The following SKI variants were observed in gnomAD, a reference collection of about 807,000 sequenced individuals.
SKI encodes SKI proto-oncogene, also known as ski oncogene.
Under a neutral mutation model 59.3 loss-of-function variants are expected in SKI, and 23 were observed. The observed-to-expected ratio is 0.39, with a 90% CI of 0.28 to 0.55. SKI has a LOEUF of 0.55. Among genes scored for constraint, SKI ranks in the 20% least tolerant of loss-of-function variants. The pLI is 0.67. For synonymous variants in SKI, 673 were observed against 488.6 expected (o/e 1.38, Z -4.98); for missense variants, 1,017 against 1,038.9 (o/e 0.98, Z 0.29).
In SKI at chr1:2,270,562, GGGAA is replaced by G. The variant is rs1378000534; in HGVS notation, c.970-32415_970-32412del. On this transcript the variant is annotated intron_variant, in intron 1 of 6. Coordinates refer to ENST00000378536, the MANE Select transcript of SKI (RefSeq NM_003036.4). This position sits in a 1 kb window ranked among gnomAD's most constrained non-coding sequence, Gnocchi z 4.1. ...AGTGTGCAGTGTTGAGGGGGCGCTG[GGGAA>G]ACAAGCTGCCGGCTGAGGAGGCCGC... Among the ~76,000 whole-genome samples, 21 of 152,216 alleles carry G rather than the reference GGGAA, an allele frequency of 1.4e-4. No homozygotes were observed. Among genetic ancestry groups the G allele is most frequent in the Non-Finnish European group, 2.6e-4 (18 of 68,026 alleles).
chr1:2,261,845 G>A (rs1639393419), intron 1 of SKI, among the ~76,000 whole-genome samples: 1 of 150,882 alleles, frequency 6.6e-6, no homozygotes, highest in Admixed American at 6.6e-5. Flanking sequence ...ATCAGAGTTT[G>A]GATGGGAGTG....
At chr1:2,300,625 G>A (rs990930871) in intron 1 of SKI, among the ~76,000 whole-genome samples, 1 of 152,330 alleles carries the variant, frequency 6.6e-6, no homozygotes, top group African/African-American at 2.4e-5. Context: ...CACTTCCTCC[G>A]CCCACAGGGG....
At chr1:2,287,698 C>G (rs1640070540) in intron 1 of SKI, among the ~76,000 whole-genome samples, 1 of 152,168 alleles carries the variant, frequency 6.6e-6, no homozygotes, top group Non-Finnish European at 1.5e-5. Flanking sequence ...CATGCGTCAC[C>G]TTCCCTGTGT....
intron 1 of SKI, among the ~76,000 whole-genome samples, chr1:2,300,526 G>A (rs964655323): frequency 1.3e-5 from 2 of 152,222 alleles, no homozygotes. Flanking sequence ...TTGGTAGGGC[G>A]GGTGGCATCC....
chr1:2,261,729 T>C (rs1331154654), intron 1 of SKI, among the ~76,000 whole-genome samples: 1 of 152,278 alleles, frequency 6.6e-6, no homozygotes, highest in East Asian at 1.9e-4. Flanking sequence ...GATGCTTTTT[T>C]ATTTGTCCTG....
At chr1:2,235,373 C>G (rs1638730963) in intron 1 of SKI, among the ~76,000 whole-genome samples, 1 of 152,200 alleles carries the variant, frequency 6.6e-6, no homozygotes, top group Admixed American at 6.5e-5. Context: ...CGGAAGGCAT[C>G]CCCGGGGTCT....
intron 1 of SKI, among the ~76,000 whole-genome samples, chr1:2,298,122 C>T (rs1640331366): frequency 6.6e-6 from 1 of 152,200 alleles, no homozygotes; most frequent in South Asian, 2.1e-4. Flanking sequence ...GGCTGCTCAA[C>T]CGCTCTGCCA....
At chr1:2,304,131 T>TC in intron 4 of SKI, 29 bp downstream of exon 4, 15 of 1,610,038 alleles carry the variant, frequency 9.3e-6, no homozygotes, top group Non-Finnish European at 1.3e-5. Flanking sequence ...CTGTGCCTCC[T>TC]CCCTGTGGGC....
In SKI at chr1:2,270,941, C is replaced by T. The variant is rs1639602752; in HGVS notation, c.970-32037C>T. Among the ~76,000 whole-genome samples, 1 of 152,220 alleles carries T rather than the reference C, an allele frequency of 6.6e-6. No individual in the cohort carries two copies. Among genetic ancestry groups the T allele is most frequent in the African/African-American group, 2.4e-5 (1 of 41,462 alleles). On this transcript the variant is annotated intron_variant, in intron 1 of 6. Coordinates refer to ENST00000378536, the MANE Select transcript of SKI (RefSeq NM_003036.4). The surrounding 1 kb of genome is among the most constrained non-coding windows in gnomAD (Gnocchi z 4.1). ...GCTGCCCATGTCACCAGGCCAGGCG[C>T]TTTCCCTGTGAATGAGCCGATGGCC...
At chr1:2,275,713 C>G (rs1244715420) in intron 1 of SKI, among the ~76,000 whole-genome samples, 1 of 152,162 alleles carries the variant, frequency 6.6e-6, no homozygotes, top group Non-Finnish European at 1.5e-5. Flanking sequence ...GGGGTTTCAC[C>G]GTGTTAGCCA....
intron 1 of SKI, among the ~76,000 whole-genome samples, chr1:2,272,058 GC>G (rs1303164234): frequency 6.6e-6 from 1 of 152,188 alleles, no homozygotes; most frequent in Non-Finnish European, 1.5e-5. Flanking sequence ...GCCCCTGCCC[GC>G]CCCAGGCCAC....
intron 1 of SKI, among the ~76,000 whole-genome samples, chr1:2,296,509 G>A (rs1438636187): frequency 6.6e-6 from 1 of 152,204 alleles, no homozygotes; most frequent in African/African-American, 2.4e-5. Context: ...TGCGGTTACT[G>A]GATGTTAGTA....
At chr1:2,240,886 C>A in intron 1 of SKI, 1 of 770,574 alleles carries the variant, frequency 1.3e-6, no homozygotes, top group Non-Finnish European at 1.6e-6. Flanking sequence ...GGGAAGTGGC[C>A]CTGCGTCGAC....
chr1:2,306,219 C>T lies in SKI; in HGVS notation c.1967C>T (p.Ala656Val), dbSNP rs571976990. 1.0e-5 allele frequency: 16 copies of T among 1,565,490 alleles called. No homozygotes were observed. The highest frequency in any genetic ancestry group is 6.8e-5 in the African/African-American group (5 of 73,890). The change falls in exon 6 of 7, where the codon GCG becomes GTG. Residue 656 changes from alanine (A) to valine (V), a missense_variant. Physicochemically the swap from Ala to Val is moderately conservative, Grantham distance 64 (BLOSUM62 0). Coordinates refer to ENST00000378536, the MANE Select transcript of SKI (RefSeq NM_003036.4). ...QARVCDKGCE[A>V]GRLRAKYSAQ... is the part of the protein sequence containing the mutation. ...CGGGTGTGCGACAAGGGCTGCGAGG[C>T]GGGCCGCCTGCGCGCCAAGTACTCG...
intron 1 of SKI, among the ~76,000 whole-genome samples, chr1:2,239,880 T>TGCTCCCCACTGCTGCTTCA (rs1428794286): frequency 6.6e-6 from 1 of 152,248 alleles, no homozygotes; most frequent in African/African-American, 2.4e-5. Flanking sequence ...GGTGTGCTTC[T>TGCTCCCCACTGCTGCTTCA]GCTCCCCACT....
At chr1:2,302,754 C>T (rs931990852) in intron 1 of SKI, among the ~76,000 whole-genome samples, 23 of 152,186 alleles carry the variant, frequency 1.5e-4, no homozygotes, top group African/African-American at 5.1e-4. Flanking sequence ...ATGACTTGTC[C>T]CTCAGCACAG....
chr1:2,244,132 A>C (rs1193347491), intron 1 of SKI, among the ~76,000 whole-genome samples: 1 of 151,906 alleles, frequency 6.6e-6, no homozygotes, highest in Non-Finnish European at 1.5e-5. Context: ...CACCCGGATA[A>C]TTTTTTGTAT....
At position 2,268,758 on chromosome 1, in the gene SKI, G is replaced by A. The variant is rs1280791647; in HGVS notation, c.970-34220G>A. On this transcript the variant is annotated intron_variant, in intron 1 of 6. Transcript: ENST00000378536. The surrounding 1 kb of genome is among the most constrained non-coding windows in gnomAD (Gnocchi z 5.0). ...AGTCCAGGGAGAGGCCATGACAGGA[G>A]TGGGTGTGGGGACTGGTGGGGACAG... is the stretch of plus-strand genomic sequence containing the variant. Among the ~76,000 whole-genome samples, 1 of 152,212 alleles carries A rather than the reference G, an allele frequency of 6.6e-6. No individual in the cohort carries two copies. The highest frequency in any genetic ancestry group is 6.5e-5 in the Admixed American group (1 of 15,286).
chr1:2,274,579 A>C (rs1163970688), intron 1 of SKI, among the ~76,000 whole-genome samples: 1 of 152,250 alleles, frequency 6.6e-6, no homozygotes, highest in East Asian at 1.9e-4. Flanking sequence ...GCCCCATGGC[A>C]GGAAGTCCCA....
Sources: allele counts gnomAD v4.1 joint callset (sites outside exome capture counted in the v4.1 genomes callset), GRCh38; gene constraint gnomAD v4.1.1; non-coding constraint Gnocchi (gnomAD v3.1); transcripts MANE v1.5; gene names NCBI Gene and HGNC (gene_info 2026-07-23, HGNC 2026-07-21).